Variants in ZNF713 observed in about 807,000 individuals in gnomAD.
ZNF713 encodes the protein zinc finger protein 713.
In ZNF713, 21 loss-of-function variants were observed where a neutral mutation model predicts 28.7. That is an observed-to-expected ratio of 0.73 (90% CI 0.52 to 1.05). ZNF713 has a LOEUF of 1.05. Among genes scored for constraint, ZNF713 ranks in the 50% least tolerant of loss-of-function variants. The probability of loss-of-function intolerance (pLI) is 0.00; values close to 1 mark genes in which losing one functional copy is unlikely to be tolerated. For missense variants in ZNF713, 458 were observed against 532.4 expected (o/e 0.86, Z 1.37); for synonymous variants, 167 against 178.0 (o/e 0.94, Z 0.49).
At chr7:55,936,729 T>C (rs922880824) in intron 6 of ZNF713, among the ~76,000 whole-genome samples, 3 of 152,084 alleles carry the variant, frequency 2.0e-5, no homozygotes, top group African/African-American at 7.2e-5. Flanking sequence ...GGGCAAGGTA[T>C]CATCGGTGTT....
At chr7:55,938,148 G>A (rs1369836692) in intron 6 of ZNF713, among the ~76,000 whole-genome samples, 1 of 152,032 alleles carries the variant, frequency 6.6e-6, no homozygotes, top group African/African-American at 2.4e-5. Flanking sequence ...AGGTTGCGGT[G>A]AGCCAAGATC....
chr7:55,932,592 TAAG>T, intron 6 of ZNF713, among the ~76,000 whole-genome samples: 1 of 150,984 alleles, frequency 6.6e-6, no homozygotes. Flanking sequence ...CTATTTCTAA[TAAG>T]AAGCTACAGC....
chr7:55,928,447 A>C (rs1208237823), intron 6 of ZNF713, among the ~76,000 whole-genome samples: 3 of 152,206 alleles, frequency 2.0e-5, no homozygotes, highest in African/African-American at 4.8e-5. Flanking sequence ...AGACCAAGGG[A>C]GAGTCAAAGA....
At position 55,891,700 on chromosome 7, in the gene ZNF713, A is replaced by T. The variant is rs147389602; in HGVS notation, c.-583+4020A>T. On this transcript the variant is annotated intron_variant, in intron 1 of 6. Transcript: ENST00000429591. ...AAAGTGAGATCCTGTCTCAAAACAA[A>T]AACATAAATAAACAGAAACACATCT... 9.5e-4 allele frequency among the ~76,000 whole-genome samples: 145 copies of T among 151,944 alleles called. 4 individuals are homozygous for T. The Middle Eastern group carries it at 0.01, about 11-fold the overall frequency.
chr7:55,933,781 G>A (rs990351438), intron 6 of ZNF713, among the ~76,000 whole-genome samples: 2 of 152,044 alleles, frequency 1.3e-5, no homozygotes, highest in Non-Finnish European at 2.9e-5. Flanking sequence ...CTCAGCTCAC[G>A]GCAACCTCTG....
In ZNF713 at chr7:55,918,866, C is replaced by T. The variant is rs138215186; in HGVS notation, c.88-4296C>T. On this transcript the variant is annotated intron_variant, in intron 4 of 6. Coordinates refer to ENST00000429591, the MANE Select transcript of ZNF713 (RefSeq NM_182633.3). ...AAATTAGCCAGGGCATGGTGGTTTG[C>T]GCCCGTAATCCCAGGTACTCAAGAG... 1.6e-3 allele frequency among the ~76,000 whole-genome samples: 241 copies of T among 152,088 alleles called. 1 individual carries two copies. Among genetic ancestry groups the T allele is most frequent in the South Asian group, 0.015 (70 of 4,818 alleles).
At chr7:55,888,986 A>G (rs1785330225) in intron 1 of ZNF713, among the ~76,000 whole-genome samples, 1 of 152,064 alleles carries the variant, frequency 6.6e-6, no homozygotes, top group Non-Finnish European at 1.5e-5. Context: ...CAGGAGATGA[A>G]GGTTGCAGTG....
rs192736821 is a variant in ZNF713, at chr7:55,909,058, C to T, written c.-455-2558C>T. Among the ~76,000 whole-genome samples the T allele has an allele frequency of 9.6e-4, 146 of 151,722 alleles. 1 individual carries two copies. In the Middle Eastern group the frequency reaches 0.01, roughly 11 times the overall value. ...TAAAAAATACAAAAAATTAGCTGGG[C>T]GTGGTGGCACGTGCCTGTAATCCCA... is the stretch of plus-strand genomic sequence containing the variant. On this transcript the variant is annotated intron_variant, in intron 2 of 6. Coordinates refer to ENST00000429591, the MANE Select transcript of ZNF713 (RefSeq NM_182633.3).
rs1390849916 is a variant in ZNF713 at position 55,909,274 on chromosome 7, C to G, written c.-455-2342C>G. 9.9e-5 allele frequency among the ~76,000 whole-genome samples: 15 copies of G among 151,750 alleles called. No individual in the cohort carries two copies. In the East Asian group the frequency reaches 2.7e-3, roughly 27 times the overall value. ...TGTTGGCTATCCAAGTTTTCCCGCA[C>G]CATTTATTGAATAGGATGTCCTTTC... is the stretch of plus-strand genomic sequence containing the variant. On this transcript the variant is annotated intron_variant, in intron 2 of 6. Transcript: ENST00000429591.
chr7:55,915,276 G>A (rs1436621295), intron 4 of ZNF713, among the ~76,000 whole-genome samples: 2 of 152,206 alleles, frequency 1.3e-5, no homozygotes, highest in Non-Finnish European at 2.9e-5. Context: ...TGTTTAGAAG[G>A]AAGATGATTC....
intron 4 of ZNF713, among the ~76,000 whole-genome samples, chr7:55,914,939 C>T (rs1772508736): frequency 6.6e-6 from 1 of 152,200 alleles, no homozygotes; most frequent in African/African-American, 2.4e-5. Flanking sequence ...ACTACAACCT[C>T]CGCCTCCCGG....
chr7:55,894,658 CA>C (rs1364945542), intron 1 of ZNF713, among the ~76,000 whole-genome samples: 1 of 152,182 alleles, frequency 6.6e-6, no homozygotes, highest in East Asian at 1.9e-4. Context: ...AGGAACTAAT[CA>C]GGCAAAATCA....
At chr7:55,931,050 AC>A (rs1256651920) in intron 6 of ZNF713, among the ~76,000 whole-genome samples, 2 of 152,126 alleles carry the variant, frequency 1.3e-5, no homozygotes, top group African/African-American at 4.8e-5. Flanking sequence ...CACTTGGGAG[AC>A]GAGGTGGGTG....
chr7:55,937,404 A>G (rs1786374806), intron 6 of ZNF713, among the ~76,000 whole-genome samples: 1 of 152,164 alleles, frequency 6.6e-6, no homozygotes, highest in Non-Finnish European at 1.5e-5. Flanking sequence ...GCAAGAGAGT[A>G]GAGGCAGAGA....
chr7:55,905,917 C>A (rs1785669676), intron 1 of ZNF713, among the ~76,000 whole-genome samples: 1 of 151,848 alleles, frequency 6.6e-6, no homozygotes, highest in Non-Finnish European at 1.5e-5. Flanking sequence ...TCCTGGCCAA[C>A]ATGATGAAAC....
intron 6 of ZNF713, among the ~76,000 whole-genome samples, chr7:55,937,135 C>G (rs1294109141): frequency 6.6e-6 from 1 of 152,000 alleles, no homozygotes; most frequent in Non-Finnish European, 1.5e-5. Flanking sequence ...CCTGTCTCTA[C>G]TAAAAATACA....
At chr7:55,916,940 C>T (rs1404418233) in intron 4 of ZNF713, among the ~76,000 whole-genome samples, 2 of 152,122 alleles carry the variant, frequency 1.3e-5, no homozygotes, top group African/African-American at 2.4e-5. Flanking sequence ...AGCGGCCGGG[C>T]GCAGTGGCTC....
At position 55,939,850 on chromosome 7, in the gene ZNF713, T is replaced by C. The variant is rs113149662; in HGVS notation, c.1176T>C (p.His392=). ...ATCTGAATCAACATGAAAGAACTCATACAGGAGAGAAACCCTATAAATGTA... is the reference window on the plus strand; with the variant it reads ...ATCTGAATCAACATGAAAGAACTCACACAGGAGAGAAACCCTATAAATGTA... ...RTHLNQHERT[H]TGEKPYKCNE... The change falls in exon 7 of 7, where the codon CAT becomes CAC. Residue 392 remains histidine (H), a synonymous_variant. Coordinates refer to ENST00000429591, the MANE Select transcript of ZNF713 (RefSeq NM_182633.3). 264 of 1,613,952 alleles carry C rather than the reference T, an allele frequency of 1.6e-4. No homozygotes were observed. The highest frequency in any genetic ancestry group is 1.9e-4 in the Non-Finnish European group (229 of 1,179,982).
At chr7:55,930,261 T>G (rs771783266) in intron 6 of ZNF713, among the ~76,000 whole-genome samples, 4 of 152,168 alleles carry the variant, frequency 2.6e-5, no homozygotes, top group Non-Finnish European at 4.4e-5. Context: ...CAAATTATAT[T>G]TTCTTGCCTA....
Sources: gnomAD v4.1 joint callset for allele counts (sites outside exome capture counted in the v4.1 genomes callset) on GRCh38, gnomAD v4.1.1 for gene constraint, MANE v1.5 for transcripts, NCBI Gene and HGNC (gene_info 2026-07-23, HGNC 2026-07-21) for gene names.